Variants in ZNF85 observed in about 807,000 individuals in gnomAD.
The protein encoded by ZNF85 is zinc finger protein 85 (HPF4, HTF1).
A neutral mutation model predicts 53.9 loss-of-function variants in ZNF85; 50 were observed. The ratio of observed to expected loss-of-function variants is 0.93; its 90% confidence interval spans 0.74 to 1.17. ZNF85 has a LOEUF of 1.17. ZNF85 is among the 50% of genes most tolerant of loss of function. The probability of loss-of-function intolerance (pLI) is 0.00; values close to 1 mark genes in which losing one functional copy is unlikely to be tolerated. For missense variants in ZNF85, 747 were observed against 688.5 expected (o/e 1.08, Z -0.95); for synonymous variants, 225 against 226.1 (o/e 1.00, Z 0.04).
intron 1 of ZNF85, among the ~76,000 whole-genome samples, chr19:20,929,188 CTTTT>C (rs71174768): frequency 7.2e-6 from 1 of 138,416 alleles, no homozygotes; most frequent in Non-Finnish European, 1.6e-5. Flanking sequence ...CTGATCTCTT[CTTTT>C]TTTTTTTTTT....
At position 20,923,274 on chromosome 19, in the gene ZNF85, G is replaced by T; in HGVS notation, c.-127G>T. 1 of 1,466,662 alleles carries T rather than the reference G, an allele frequency of 6.8e-7. No individual in the cohort carries two copies. Among genetic ancestry groups the T allele is most frequent in the Non-Finnish European group, 9.4e-7 (1 of 1,059,876 alleles). The allele number at this position is 1,466,662 out of a possible 1,614,324, so 90.9% of individuals were successfully genotyped here. ...GGGCCTTTGTCTCTCGCTGCAGCCT[G>T]AGCTCTAGGTCTTGTTTTCCCTGCT... On this transcript the variant is annotated 5_prime_UTR_variant, in exon 1 of 4. Transcript: ENST00000328178.
chr19:20,949,386 G>A lies in ZNF85; in HGVS notation c.872G>A (p.Cys291Tyr), dbSNP rs1215393556. The A allele has an allele frequency of 6.2e-7, 1 of 1,609,542 alleles. No homozygotes were observed. Among genetic ancestry groups the A allele is most frequent in the South Asian group, 1.1e-5 (1 of 90,696 alleles). Reference protein sequence around the residue: ...TGEKPYKCKECGKAFNRSSTL... With the variant: ...TGEKPYKCKEYGKAFNRSSTL... The stretch of plus-strand genomic sequence containing the variant: ...GAGAAACCCTACAAATGTAAAGAAT[G>A]TGGTAAAGCTTTTAACCGATCTTCA... The change falls in exon 4 of 4, where the codon TGT becomes TAT. Residue 291 changes from cysteine to tyrosine, a missense_variant. By Grantham distance (194) the Cys-to-Tyr change is radical. Coordinates refer to ENST00000328178, the MANE Select transcript of ZNF85 (RefSeq NM_003429.5).
At chr19:20,932,450 C>T (rs1488920918) in intron 1 of ZNF85, among the ~76,000 whole-genome samples, 1 of 152,128 alleles carries the variant, frequency 6.6e-6, no homozygotes, top group African/African-American at 2.4e-5. Context: ...ATATGCCATG[C>T]AGAATTCCTA....
At chr19:20,940,103 G>GAAAA (rs143322119) in intron 3 of ZNF85, among the ~76,000 whole-genome samples, 5 of 137,136 alleles carry the variant, frequency 3.6e-5, no homozygotes, top group South Asian at 2.3e-4. Context: ...TCCTTTATGT[G>GAAAA]AAAAAAAAAA....
chr19:20,944,651 T>C (rs116421030), intron 3 of ZNF85, among the ~76,000 whole-genome samples: 17,049 of 151,414 alleles, frequency 0.11, 984 homozygotes, highest in Non-Finnish European at 0.13. Context: ...TCTATGATTT[T>C]TTTTCATGAA....
At chr19:20,923,939 G>A (rs910729022) in intron 1 of ZNF85, among the ~76,000 whole-genome samples, 15 of 152,068 alleles carry the variant, frequency 9.9e-5, no homozygotes, top group Middle Eastern at 3.2e-3. Flanking sequence ...ACAAAAATTA[G>A]CCGGGCGTCG....
At chr19:20,948,133 C>T (rs1042010403) in intron 3 of ZNF85, among the ~76,000 whole-genome samples, 2 of 152,006 alleles carry the variant, frequency 1.3e-5, no homozygotes, top group Non-Finnish European at 2.9e-5. Flanking sequence ...TAGGATGTGT[C>T]TTGTCTGAAA....
In ZNF85 at chr19:20,948,977, G is replaced by A. The variant is rs184854107; in HGVS notation, c.463G>A (p.Ala155Thr). The stretch of plus-strand genomic sequence containing the variant: ...TCAATGTGATAAATATGTAAAAGTC[G>A]CTCATAAATTTTCAAATTCAAACAG... ...IFQCDKYVKV[A>T]HKFSNSNRHE... is the part of the protein sequence containing the mutation. The change falls in exon 4 of 4, where the codon GCT (alanine) becomes ACT (threonine). Residue 155 changes from alanine (A) to threonine (T), a missense_variant. Physicochemically the swap from Ala to Thr is moderately conservative, Grantham distance 58. Transcript: ENST00000328178. The A allele has an allele frequency of 9.4e-5, 152 of 1,613,420 alleles. No individual in the cohort carries two copies. The highest frequency in any genetic ancestry group is 3.3e-4 in the Middle Eastern group (2 of 6,058).
intron 2 of ZNF85, 94 bp from the exon 3 acceptor site, chr19:20,934,853 TAG>T: frequency 1.6e-6 from 1 of 638,852 alleles, no homozygotes. Flanking sequence ...TGTTATAAAT[TAG>T]TATTTTGGGA....
At chr19:20,938,868 G>A (rs56030171) in intron 3 of ZNF85, among the ~76,000 whole-genome samples, 53 of 134,092 alleles carry the variant, frequency 4.0e-4, no homozygotes, top group Admixed American at 7.1e-4. Context: ...GTGTGTGTGT[G>A]TGTGTGTGTA....
intron 1 of ZNF85, 89 bp downstream of exon 1, chr19:20,923,492 T>C (rs368547851): frequency 2.1e-4 from 328 of 1,598,430 alleles, no homozygotes; most frequent in Non-Finnish European, 2.5e-4. Context: ...GGCCTCCCTG[T>C]AGTCAGCTCC....
chr19:20,935,760 G>T (rs551997722), intron 3 of ZNF85, among the ~76,000 whole-genome samples: 1 of 151,946 alleles, frequency 6.6e-6, no homozygotes, highest in East Asian at 1.9e-4. Context: ...ATGTTGGTCA[G>T]GCTGTTCTCA....
chr19:20,950,514 T>A lies in ZNF85; in HGVS notation c.*212T>A. 4.7e-6 allele frequency: 2 copies of A among 427,324 alleles called. No homozygotes were observed. The highest frequency in any genetic ancestry group is 8.2e-6 in the Non-Finnish European group (2 of 244,992). The allele number at this position is 427,324 out of a possible 1,614,324, so 26.5% of individuals were successfully genotyped here. A position where few individuals can be genotyped will look rare whatever the true frequency, so the allele number is the denominator to read the frequency against. On this transcript the variant is annotated 3_prime_UTR_variant, in exon 4 of 4. Coordinates refer to ENST00000328178, the MANE Select transcript of ZNF85 (RefSeq NM_003429.5). ...CACACTTTAGGTAAGATAATTCATATTGGAACAAACTACAAGTGCAAACAA... is the reference window on the plus strand; with the variant it reads ...CACACTTTAGGTAAGATAATTCATAATGGAACAAACTACAAGTGCAAACAA...
At chr19:20,930,116 G>A (rs1299909866) in intron 1 of ZNF85, among the ~76,000 whole-genome samples, 16 of 36,894 alleles carry the variant, frequency 4.3e-4, no homozygotes, top group African/African-American at 1.2e-3. Context: ...GCAAGACTCC[G>A]TCCCAAAAAA....
At chr19:20,948,650 T>TA in intron 3 of ZNF85, 94 bp from the exon 4 acceptor site, 1 of 952,952 alleles carries the variant, frequency 1.0e-6, no homozygotes, top group Non-Finnish European at 1.6e-6. Flanking sequence ...CCATCTTACT[T>TA]AATGTAGTTT....
Position 20,950,057 on chromosome 19 carries a change from T to A in ZNF85, c.1543T>A (p.Cys515Ser). ...AGAGAAACCATACAAATGTGAAGAA[T>A]GTGGCAAAGCTTTTAACCAATCCTC... Reference protein sequence around the residue: ...TGEKPYKCEECGKAFNQSSKL... With the variant: ...TGEKPYKCEESGKAFNQSSKL... The change falls in exon 4 of 4, where the codon TGT becomes AGT. Residue 515 changes from cysteine to serine, a missense_variant. Physicochemically the swap from Cys to Ser is moderately radical, Grantham distance 112 (BLOSUM62 -1). Transcript: ENST00000328178. The A allele has an allele frequency of 1.9e-6, 3 of 1,613,198 alleles. No homozygotes were observed. Among genetic ancestry groups the A allele is most frequent in the Non-Finnish European group, 2.5e-6 (3 of 1,179,788 alleles).
intron 1 of ZNF85, chr19:20,928,021 A>G (rs1163794906): frequency 6.6e-6 from 1 of 151,928 alleles, no homozygotes; most frequent in African/African-American, 2.4e-5. Flanking sequence ...CATTTCTTTC[A>G]TTTGACTTCT....
rs538097096 is a variant in ZNF85 at position 20,950,420 on chromosome 19, A to G, written c.*118A>G. On this transcript the variant is annotated 3_prime_UTR_variant, in exon 4 of 4. Transcript: ENST00000328178. ...ATAATTTTGACAACACCTCAGACTT[A>G]TAAAAGTAATCATACTGGTGAGAAA... is the stretch of plus-strand genomic sequence containing the variant. 2.8e-5 allele frequency: 15 copies of G among 539,322 alleles called. No individual in the cohort carries two copies. Among genetic ancestry groups the G allele is most frequent in the Admixed American group, 1.2e-4 (3 of 24,402 alleles). 33.4% of individuals were successfully genotyped at this position (539,322 alleles called of 1,614,324 possible).
chr19:20,923,445 G>A lies in ZNF85; in HGVS notation c.3+42G>A, dbSNP rs752484596. The stretch of plus-strand genomic sequence containing the variant: ...CGCCATCCCGAGGGGGAAAGGGGTT[G>A]GTTGAAACCGGTGGGAAGCGGCTGT... On this transcript the variant is annotated intron_variant, in intron 1 of 3. Coordinates refer to ENST00000328178, the MANE Select transcript of ZNF85 (RefSeq NM_003429.5). 6.8e-6 allele frequency: 11 copies of A among 1,613,266 alleles called. No individual in the cohort carries two copies. In the East Asian group the frequency reaches 2.5e-4, roughly 36 times the overall value.
Sources: gnomAD v4.1 joint callset for allele counts (sites outside exome capture counted in the v4.1 genomes callset) on GRCh38, gnomAD v4.1.1 for gene constraint, MANE v1.5 for transcripts, NCBI Gene and HGNC (gene_info 2026-07-23, HGNC 2026-07-21) for gene names.